The following SDCCAG8 variants were observed in gnomAD, a reference collection of about 807,000 sequenced individuals.
SDCCAG8 encodes SHH signaling and ciliogenesis regulator SDCCAG8.
A neutral mutation model predicts 101.8 loss-of-function variants in SDCCAG8; 74 were observed. That is an observed-to-expected ratio of 0.73 (90% CI 0.60 to 0.88). The LOEUF (loss-of-function observed/expected upper bound fraction) is 0.88. Among genes scored for constraint, SDCCAG8 ranks in the 40% least tolerant of loss-of-function variants. The probability of loss-of-function intolerance (pLI) is 0.00; values close to 1 mark genes in which losing one functional copy is unlikely to be tolerated. For synonymous variants in SDCCAG8, 281 were observed against 292.9 expected, an observed-to-expected ratio of 0.96 and a Z score of 0.41; for missense variants, 787 against 822.6, an observed-to-expected ratio of 0.96 and a Z score of 0.53.
intron 17 of SDCCAG8, among the ~76,000 whole-genome samples, chr1:243,495,888 G>T (rs1667729732): frequency 6.6e-6 from 1 of 152,160 alleles, no homozygotes; most frequent in African/African-American, 2.4e-5. Flanking sequence ...AGAGCAAGCA[G>T]GAGAGCCTCG....
intron 10 of SDCCAG8, among the ~76,000 whole-genome samples, chr1:243,332,412 G>T (rs908070819): frequency 6.6e-6 from 1 of 152,232 alleles, no homozygotes; most frequent in South Asian, 2.1e-4. Context: ...TCAGCTGGAG[G>T]TCATTATCGT....
chr1:243,466,816 C>G (rs2994336), intron 16 of SDCCAG8, among the ~76,000 whole-genome samples: 8,711 of 152,314 alleles, frequency 0.057, 856 homozygotes, highest in African/African-American at 0.2. Flanking sequence ...CGTACTGTTA[C>G]CAAAGTTAGA....
At chr1:243,466,564 G>A (rs1660188442) in intron 16 of SDCCAG8, among the ~76,000 whole-genome samples, 1 of 152,226 alleles carries the variant, frequency 6.6e-6, no homozygotes, top group African/African-American at 2.4e-5. Context: ...CTGTGTCACA[G>A]TCTTCTCTCA....
In SDCCAG8 at chr1:243,451,954, C is replaced by T. The variant is rs537677893; in HGVS notation, c.1985+25396C>T. On this transcript the variant is annotated intron_variant, in intron 16 of 17. Coordinates refer to ENST00000366541, the MANE Select transcript of SDCCAG8 (RefSeq NM_006642.5). ...AAAAAATAAAATAAAAAGTTGATTGCGGCCTGCTAAAGTAATTTTGTGACC... is the reference window on the plus strand; with the variant it reads ...AAAAAATAAAATAAAAAGTTGATTGTGGCCTGCTAAAGTAATTTTGTGACC... Among the ~76,000 whole-genome samples, 368 of 152,180 alleles carry T rather than the reference C, an allele frequency of 2.4e-3. 1 individual carries two copies. Among genetic ancestry groups the T allele is most frequent in the Non-Finnish European group, 4.5e-3 (309 of 67,990 alleles).
chr1:243,459,871 A>C (rs560276256), intron 16 of SDCCAG8, among the ~76,000 whole-genome samples: 1 of 152,140 alleles, frequency 6.6e-6, no homozygotes. Flanking sequence ...TCGAGAAGCT[A>C]GTAAGTTTCT....
At chr1:243,417,772 A>T (rs1389628475) in intron 14 of SDCCAG8, among the ~76,000 whole-genome samples, 196 bp from the exon 15 acceptor site, 3 of 152,186 alleles carry the variant, frequency 2.0e-5, no homozygotes, top group Non-Finnish European at 4.4e-5. Context: ...GTGTATAATT[A>T]TGTTGAAAAT....
At chr1:243,304,800 T>A in intron 7 of SDCCAG8, 23 bp downstream of exon 7, 1 of 1,344,682 alleles carries the variant, frequency 7.4e-7, no homozygotes, top group Non-Finnish European at 1.1e-6. Context: ...CGTCCATTTA[T>A]AGTCATACCA....
At chr1:243,366,418 T>A (rs952969380) in intron 12 of SDCCAG8, among the ~76,000 whole-genome samples, 1 of 152,006 alleles carries the variant, frequency 6.6e-6, no homozygotes. Context: ...CAAGTTTTTT[T>A]AATCTTATAT....
chr1:243,407,187 C>G (rs1340880386), intron 13 of SDCCAG8, among the ~76,000 whole-genome samples: 1 of 152,180 alleles, frequency 6.6e-6, no homozygotes, highest in East Asian at 1.9e-4. Context: ...GATGCGCAAT[C>G]CACTGTTTGA....
At chr1:243,496,197 G>C (rs1358537028) in intron 17 of SDCCAG8, among the ~76,000 whole-genome samples, 1 of 152,254 alleles carries the variant, frequency 6.6e-6, no homozygotes, top group East Asian at 1.9e-4. Context: ...GAATTGGGAA[G>C]TGGCTGGGCA....
intron 16 of SDCCAG8, among the ~76,000 whole-genome samples, chr1:243,439,621 A>ATC (rs2082391050): frequency 5.9e-5 from 2 of 33,964 alleles, no homozygotes; most frequent in African/African-American, 2.2e-4. Flanking sequence ...GTGAGACTCC[A>ATC]TCACACACAC....
intron 13 of SDCCAG8, among the ~76,000 whole-genome samples, chr1:243,414,144 A>G (rs1233751602): frequency 1.3e-5 from 2 of 152,164 alleles, no homozygotes; most frequent in Admixed American, 6.5e-5. Flanking sequence ...CACAACATAT[A>G]TTGAGGTCAT....
chr1:243,476,696 G>C (rs1426770388), intron 16 of SDCCAG8, among the ~76,000 whole-genome samples: 1 of 152,162 alleles, frequency 6.6e-6, no homozygotes, highest in Non-Finnish European at 1.5e-5. Flanking sequence ...GTTGCAAATA[G>C]CATTCAACAA....
intron 4 of SDCCAG8, 42 bp from the exon 5 acceptor site, chr1:243,286,230 C>T: frequency 1.2e-6 from 2 of 1,600,088 alleles, no homozygotes; most frequent in Non-Finnish European, 1.7e-6. Context: ...AATAAAAACA[C>T]TGCTTAATAA....
chr1:243,489,858 A>G (rs1574380947), intron 17 of SDCCAG8, among the ~76,000 whole-genome samples: 1 of 152,278 alleles, frequency 6.6e-6, no homozygotes, highest in East Asian at 1.9e-4. Flanking sequence ...AGCAGGGAAA[A>G]GGGAGGAAGG....
chr1:243,470,378 C>A (rs1201381477), intron 16 of SDCCAG8, among the ~76,000 whole-genome samples: 1 of 152,192 alleles, frequency 6.6e-6, no homozygotes, highest in African/African-American at 2.4e-5. Context: ...TGATCCCTGG[C>A]CTGATGGAAT....
At chr1:243,478,784 C>T (rs1250672184) in intron 16 of SDCCAG8, among the ~76,000 whole-genome samples, 15 of 151,838 alleles carry the variant, frequency 9.9e-5, no homozygotes, top group Admixed American at 9.8e-4. Context: ...TGGTTAAACC[C>T]CAACTCCACT....
At chr1:243,295,604 C>T (rs1196586477) in intron 6 of SDCCAG8, among the ~76,000 whole-genome samples, 2 of 152,194 alleles carry the variant, frequency 1.3e-5, no homozygotes, top group African/African-American at 4.8e-5. Flanking sequence ...GTTGCTGCTT[C>T]ATAAATTTAT....
intron 13 of SDCCAG8, among the ~76,000 whole-genome samples, chr1:243,408,241 C>A (rs1432131119): frequency 1.3e-5 from 2 of 152,084 alleles, no homozygotes; most frequent in African/African-American, 4.8e-5. Flanking sequence ...AACTGTGTAC[C>A]AGGCACTATT....
Sources: gnomAD v4.1 joint callset for allele counts (sites outside exome capture counted in the v4.1 genomes callset) on GRCh38, gnomAD v4.1.1 for gene constraint, MANE v1.5 for transcripts, NCBI Gene and HGNC (gene_info 2026-07-23, HGNC 2026-07-21) for gene names.